DAB1: variants seen among roughly 807,000 people sequenced by gnomAD.
DAB1 encodes disabled homolog 1.
In DAB1, 15 loss-of-function variants were observed where a neutral mutation model predicts 64.6. That is an observed-to-expected ratio of 0.23 (90% CI 0.16 to 0.36). The LOEUF is 0.36. DAB1 is among the 10% of genes least tolerant of loss of function. The pLI, the probability that DAB1 is intolerant of heterozygous loss-of-function variation, is 1.00. For missense variants in DAB1, 596 were observed against 706.7 expected (o/e 0.84, Z 1.78); for synonymous variants, 235 against 251.9 (o/e 0.93, Z 0.64).
intron 2 of DAB1, among the ~76,000 whole-genome samples, chr1:57,277,937 T>C (rs1671597718): frequency 6.6e-6 from 1 of 152,192 alleles, no homozygotes. Context: ...TACAGCAGTA[T>C]TGCCAGCCAG....
intron 7 of DAB1, among the ~76,000 whole-genome samples, chr1:57,479,196 A>G (rs903302329): frequency 3.3e-5 from 5 of 152,122 alleles, no homozygotes; most frequent in African/African-American, 1.2e-4. Context: ...GAGCATTTAC[A>G]GGACATCTGT....
At chr1:57,755,320 G>T (rs1406605032) in intron 6 of DAB1, among the ~76,000 whole-genome samples, 1 of 151,854 alleles carries the variant, frequency 6.6e-6, no homozygotes, top group Admixed American at 6.6e-5. Context: ...CCATGAATAG[G>T]GTATCACACT....
At chr1:58,045,291 A>C (rs1647214472) in intron 5 of DAB1, among the ~76,000 whole-genome samples, 1 of 152,108 alleles carries the variant, frequency 6.6e-6, no homozygotes, top group Non-Finnish European at 1.5e-5. Flanking sequence ...GGGGCTGTGG[A>C]GTGGGCCTCA....
At chr1:57,950,805 C>T (rs1557573187) in intron 5 of DAB1, among the ~76,000 whole-genome samples, 1 of 152,188 alleles carries the variant, frequency 6.6e-6, no homozygotes, top group Non-Finnish European at 1.5e-5. Flanking sequence ...AAGTACACTT[C>T]ACCTGTTAGA....
intron 6 of DAB1, among the ~76,000 whole-genome samples, chr1:57,735,036 G>A (rs1647616848): frequency 6.6e-6 from 1 of 152,078 alleles, no homozygotes; most frequent in South Asian, 2.1e-4. Flanking sequence ...TCTGTATCAG[G>A]GAATTCAATG....
chr1:58,516,087 C>T (rs1161035721), intron 2 of DAB1, among the ~76,000 whole-genome samples: 1 of 152,160 alleles, frequency 6.6e-6, no homozygotes, highest in Admixed American at 6.6e-5. Context: ...GGGGATTACT[C>T]CCAGTGAGTG....
At position 57,985,636 on chromosome 1, in the gene DAB1, C is replaced by A. The variant is rs1235666032; in HGVS notation, n.388-101474G>T. On this transcript the variant is annotated intron_variant and non_coding_transcript_variant, in intron 5 of 20. Transcript: ENST00000485760. ...AACGTGGTCCCTGACTCACAGTAGA[C>A]CCTCAAGAAAGAAAAAAAAAAAATG... Among the ~76,000 whole-genome samples, 3 of 84,694 alleles carry A rather than the reference C, an allele frequency of 3.5e-5. No homozygotes were observed. In the Admixed American group the frequency reaches 5.2e-4, roughly 15 times the overall value. The allele number at this position is 84,694 out of a possible 152,430, so 55.6% of individuals were successfully genotyped here.
At chr1:57,732,264 A>T (rs371343875) in intron 6 of DAB1, among the ~76,000 whole-genome samples, 58 of 152,244 alleles carry the variant, frequency 3.8e-4, no homozygotes, top group African/African-American at 1.4e-3. Context: ...CCTAGCTACC[A>T]TTAGGGTGGG....
chr1:57,150,097 C>A (rs1659515570), intron 2 of DAB1, among the ~76,000 whole-genome samples: 1 of 152,152 alleles, frequency 6.6e-6, no homozygotes, highest in Admixed American at 6.5e-5. Context: ...AGCCCCAGCT[C>A]TCTGACCTAC....
chr1:57,184,346 T>C (rs927457134), intron 2 of DAB1, among the ~76,000 whole-genome samples: 3 of 152,212 alleles, frequency 2.0e-5, no homozygotes, highest in Admixed American at 1.3e-4. Flanking sequence ...AGCAGATTAG[T>C]GGTTACGCTG....
chr1:57,326,539 C>T (rs775566166), intron 1 of DAB1, among the ~76,000 whole-genome samples: 21 of 152,142 alleles, frequency 1.4e-4, no homozygotes, highest in African/African-American at 1.7e-4. Context: ...GAGTAGGCTG[C>T]GTCTTTTCAG....
intron 4 of DAB1, among the ~76,000 whole-genome samples, chr1:58,249,859 G>A (rs1301232191): frequency 2.0e-5 from 3 of 152,188 alleles, no homozygotes; most frequent in African/African-American, 4.8e-5. Context: ...GCTCTGTGCG[G>A]CGGCCCTCGC....
chr1:58,054,602 T>C (rs1010379762), intron 5 of DAB1, among the ~76,000 whole-genome samples: 1 of 152,232 alleles, frequency 6.6e-6, no homozygotes. Flanking sequence ...TCATTGGCTG[T>C]TGGGACATAA....
At chr1:57,938,410 G>A (rs1645057646) in intron 5 of DAB1, among the ~76,000 whole-genome samples, 1 of 152,172 alleles carries the variant, frequency 6.6e-6, no homozygotes, top group South Asian at 2.1e-4. Flanking sequence ...TATCTAGGGA[G>A]ACCTAGTGGG....
At chr1:57,168,198 A>G (rs1485110142) in intron 2 of DAB1, among the ~76,000 whole-genome samples, 1 of 152,222 alleles carries the variant, frequency 6.6e-6, no homozygotes, top group Non-Finnish European at 1.5e-5. Context: ...ACGTCATTCC[A>G]TTATTCAAAA....
intron 3 of DAB1, among the ~76,000 whole-genome samples, chr1:58,438,587 T>C (rs1320485622): frequency 1.3e-5 from 2 of 152,204 alleles, no homozygotes; most frequent in Non-Finnish European, 2.9e-5. Context: ...TGCTTATGTT[T>C]GCTGCTAGCA....
intron 4 of DAB1, among the ~76,000 whole-genome samples, chr1:58,166,973 C>G (rs1292941236): frequency 6.6e-6 from 1 of 151,318 alleles, no homozygotes; most frequent in Non-Finnish European, 1.5e-5. Flanking sequence ...TCTCGAACTT[C>G]TGGCCTCAAG....
At chr1:57,134,716 T>A (rs1306412375) in intron 4 of DAB1, among the ~76,000 whole-genome samples, 5 of 152,084 alleles carry the variant, frequency 3.3e-5, no homozygotes. Context: ...AGAAAAGATT[T>A]ATCTTGAGAG....
chr1:57,305,422 T>G (rs1199955195), intron 1 of DAB1, among the ~76,000 whole-genome samples: 2 of 152,140 alleles, frequency 1.3e-5, no homozygotes, highest in South Asian at 2.1e-4. Context: ...TCCCCGTAAG[T>G]GGCCAAAGGG....
Sources: gnomAD v4.1 joint callset for allele counts (sites outside exome capture counted in the v4.1 genomes callset) on GRCh38, gnomAD v4.1.1 for gene constraint, MANE v1.5 for transcripts, NCBI Gene and HGNC (gene_info 2026-07-23, HGNC 2026-07-21) for gene names.